Variants in NCKAP5 observed in about 807,000 individuals in gnomAD.
NCKAP5 encodes the protein NCK associated protein 5.
In NCKAP5, 92 loss-of-function variants were observed where a neutral mutation model predicts 167.0. The ratio of observed to expected loss-of-function variants is 0.55; its 90% CI spans 0.47 to 0.66. The LOEUF (loss-of-function observed/expected upper bound fraction) is 0.66. Among genes scored for constraint, NCKAP5 ranks in the 30% least tolerant of loss-of-function variants. NCKAP5 has a pLI of 0.00. For synonymous variants in NCKAP5, 891 were observed against 877.4 expected, an observed-to-expected ratio of 1.02 and a Z score of -0.27; for missense variants, 2,378 against 2,315.0, an observed-to-expected ratio of 1.03 and a Z score of -0.56.
chr2:133,524,992 G>A (rs1684753826), intron 2 of NCKAP5, among the ~76,000 whole-genome samples: 1 of 152,092 alleles, frequency 6.6e-6, no homozygotes, highest in African/African-American at 2.4e-5. Flanking sequence ...ATGTGTGTGT[G>A]TATTCACATG....
chr2:133,340,541 C>T (rs529917873), intron 3 of NCKAP5, among the ~76,000 whole-genome samples: 13 of 152,122 alleles, frequency 8.5e-5, no homozygotes, highest in Non-Finnish European at 1.6e-4. Flanking sequence ...TGACTTACAA[C>T]AGTGGCTCTG....
chr2:133,364,021 C>T (rs534807893), intron 3 of NCKAP5, among the ~76,000 whole-genome samples: 61 of 152,280 alleles, frequency 4.0e-4, no homozygotes, highest in African/African-American at 1.3e-3. Flanking sequence ...AATATTATTT[C>T]ATTTAATCCC....
In NCKAP5 at chr2:133,530,898, C is replaced by T. The variant is rs1276477309; in HGVS notation, c.-61-13311G>A. ...CCAACTGCCAGATACCTGGTCAAGG[C>T]CACTGTGAACCCACCAGCTATAGTC... On this transcript the variant is annotated intron_variant, in intron 2 of 19. Coordinates refer to ENST00000409261, the MANE Select transcript of NCKAP5 (RefSeq NM_207363.3). Among the ~76,000 whole-genome samples the T allele has an allele frequency of 5.3e-5, 8 of 152,104 alleles. 1 individual carries two copies. Among genetic ancestry groups the T allele is most frequent in the Admixed American group, 5.2e-4 (8 of 15,262 alleles).
chr2:133,481,517 T>C (rs1176126844), intron 3 of NCKAP5, among the ~76,000 whole-genome samples: 1 of 152,152 alleles, frequency 6.6e-6, no homozygotes, highest in African/African-American at 2.4e-5. Flanking sequence ...TTGTACAGAC[T>C]ATTTTGTCAC....
intron 4 of NCKAP5, among the ~76,000 whole-genome samples, chr2:133,258,424 GC>G (rs2088729905): frequency 6.6e-6 from 1 of 152,078 alleles, no homozygotes; most frequent in Non-Finnish European, 1.5e-5. Context: ...TCTACAAACA[GC>G]CCCCACAATA....
At chr2:133,663,203 T>C in the NCKAP5 span, among the ~76,000 whole-genome samples, 1 of 151,262 alleles carries the variant, frequency 6.6e-6, no homozygotes, top group Non-Finnish European at 1.5e-5. Context: ...GAAGCGGAGC[T>C]TGCAGTGAGC....
chr2:132,693,291 A>C (rs1304401439), intron 19 of NCKAP5, among the ~76,000 whole-genome samples: 1 of 152,182 alleles, frequency 6.6e-6, no homozygotes, highest in East Asian at 1.9e-4. Flanking sequence ...GATTTTATTG[A>C]GATGTAAGTT....
intron 16 of NCKAP5, among the ~76,000 whole-genome samples, chr2:132,753,608 T>C (rs1680293295): frequency 6.6e-6 from 1 of 152,182 alleles, no homozygotes; most frequent in African/African-American, 2.4e-5. Flanking sequence ...TATTATATGG[T>C]GTACCTTCCA....
At chr2:133,510,221 C>G (rs551231727) in intron 3 of NCKAP5, among the ~76,000 whole-genome samples, 3 of 152,250 alleles carry the variant, frequency 2.0e-5, no homozygotes, top group Non-Finnish European at 4.4e-5. Context: ...GTCATAAACC[C>G]CACTGCATGC....
chr2:133,669,501 C>A, the NCKAP5 span, among the ~76,000 whole-genome samples: 1 of 152,096 alleles, frequency 6.6e-6, no homozygotes, highest in Non-Finnish European at 1.5e-5. Context: ...GGTGCTCCAC[C>A]ACTTGCCAGG....
intron 11 of NCKAP5, among the ~76,000 whole-genome samples, chr2:132,833,776 T>C (rs1007769728): frequency 3.3e-5 from 5 of 152,192 alleles, no homozygotes; most frequent in Non-Finnish European, 4.4e-5. Context: ...GTAATATAAT[T>C]TGAAGTCAGG....
intron 6 of NCKAP5, among the ~76,000 whole-genome samples, chr2:133,059,722 T>C (rs1392297391): frequency 6.6e-6 from 1 of 151,982 alleles, no homozygotes; most frequent in East Asian, 1.9e-4. Context: ...TACGTACATT[T>C]TTAAAAGACA....
At chr2:133,229,979 A>G (rs1365642425) in intron 4 of NCKAP5, among the ~76,000 whole-genome samples, 5 of 152,012 alleles carry the variant, frequency 3.3e-5, no homozygotes, top group Admixed American at 3.3e-4. Context: ...TTATTTACAA[A>G]CACACACTGC....
the NCKAP5 span, among the ~76,000 whole-genome samples, chr2:133,654,215 C>T: frequency 6.6e-6 from 1 of 151,966 alleles, no homozygotes; most frequent in Non-Finnish European, 1.5e-5. Flanking sequence ...AACCCCATCT[C>T]TACTAAAAAT....
chr2:133,348,651 C>CA (rs1394404457), intron 3 of NCKAP5, among the ~76,000 whole-genome samples: 8 of 150,950 alleles, frequency 5.3e-5, no homozygotes, highest in Non-Finnish European at 7.4e-5. Context: ...TACCTTGAAG[C>CA]AAAAAAAATA....
chr2:133,107,500 C>G (rs2081749536), intron 6 of NCKAP5, among the ~76,000 whole-genome samples: 1 of 152,110 alleles, frequency 6.6e-6, no homozygotes, highest in African/African-American at 2.4e-5. Context: ...GTTAGTAAAT[C>G]CATATGTTCT....
chr2:133,052,430 A>C (rs956012336), intron 6 of NCKAP5, among the ~76,000 whole-genome samples: 2 of 152,120 alleles, frequency 1.3e-5, no homozygotes, highest in Non-Finnish European at 2.9e-5. Flanking sequence ...AAAACTGGAG[A>C]GTTTGGGCCG....
rs373039722 is a variant in NCKAP5 at position 133,438,839 on chromosome 2, G to T, written c.69+78619C>A. Among the ~76,000 whole-genome samples, 10 of 152,104 alleles carry T rather than the reference G, an allele frequency of 6.6e-5. No homozygotes were observed. In the East Asian group the frequency reaches 1.2e-3, roughly 18 times the overall value. On this transcript the variant is annotated intron_variant, in intron 3 of 19. Transcript: ENST00000409261. Reference sequence around the variant, plus strand: ...GTTCTATCCTATGTTATTTTTTACTGCTGCTTTTGTCTGTAATTTTAAATC... The same window carrying T: ...GTTCTATCCTATGTTATTTTTTACTTCTGCTTTTGTCTGTAATTTTAAATC...
intron 11 of NCKAP5, among the ~76,000 whole-genome samples, chr2:132,857,704 T>C (rs1291633350): frequency 1.3e-5 from 2 of 152,224 alleles, no homozygotes; most frequent in African/African-American, 4.8e-5. Flanking sequence ...GTTAATCTGA[T>C]TTATTGCCAC....
Sources: allele counts gnomAD v4.1 joint callset (sites outside exome capture counted in the v4.1 genomes callset), GRCh38; gene constraint gnomAD v4.1.1; transcripts MANE v1.5; gene names NCBI Gene and HGNC (gene_info 2026-07-23, HGNC 2026-07-21).